SLAMF1: variants seen among roughly 807,000 people sequenced by gnomAD.
The protein encoded by SLAMF1 is signaling lymphocytic activation molecule.
SLAMF1 carries 18 observed loss-of-function variants against 35.1 expected under a neutral mutation model. The ratio of observed to expected loss-of-function variants is 0.51; its 90% CI spans 0.35 to 0.76. The LOEUF is 0.76. Among genes scored for constraint, SLAMF1 ranks in the 30% least tolerant of loss-of-function variants. The pLI is 0.01. For missense variants in SLAMF1, 392 were observed against 413.0 expected, an observed-to-expected ratio of 0.95 and a Z score of 0.44; for synonymous variants, 168 against 157.2, an observed-to-expected ratio of 1.07 and a Z score of -0.51.
At chr1:160,632,381 G>A (rs1193196490) in intron 3 of SLAMF1, among the ~76,000 whole-genome samples, 1 of 152,100 alleles carries the variant, frequency 6.6e-6, no homozygotes, top group Non-Finnish European at 1.5e-5. Flanking sequence ...CCCTTCCTGT[G>A]GTGCCAGGTT....
At chr1:160,614,372 G>A (rs960282353) in intron 5 of SLAMF1, among the ~76,000 whole-genome samples, 6 of 149,006 alleles carry the variant, frequency 4.0e-5, no homozygotes, top group Non-Finnish European at 7.5e-5. Flanking sequence ...TCAGGAGATC[G>A]AGACCATCCT....
chr1:160,634,168 G>A (rs529987004), intron 3 of SLAMF1, among the ~76,000 whole-genome samples: 3 of 152,306 alleles, frequency 2.0e-5, no homozygotes, highest in Non-Finnish European at 4.4e-5. Flanking sequence ...TGTTAGAGAG[G>A]AGAGATCACA....
intron 6 of SLAMF1, among the ~76,000 whole-genome samples, chr1:160,611,864 G>T (rs1659006788): frequency 6.6e-6 from 1 of 152,112 alleles, no homozygotes; most frequent in Non-Finnish European, 1.5e-5. Context: ...TTTGTAGCTG[G>T]AGTTGAGAAC....
At chr1:160,645,997 CAGA>C (rs774620406) in intron 1 of SLAMF1, among the ~76,000 whole-genome samples, 2 of 152,170 alleles carry the variant, frequency 1.3e-5, no homozygotes, top group Non-Finnish European at 2.9e-5. Context: ...AACAAATAAG[CAGA>C]AGGAGATTCT....
chr1:160,610,570 T>TCA lies in SLAMF1; in HGVS notation c.*176_*177dup. 1 of 615,768 alleles carries TCA rather than the reference T, an allele frequency of 1.6e-6. No homozygotes were observed. The highest frequency in any genetic ancestry group is 1.9e-5 in the South Asian group (1 of 52,378). The allele number at this position is 615,768 out of a possible 1,614,324, so 38.1% of individuals were successfully genotyped here. A position where few individuals can be genotyped will look rare whatever the true frequency, so the allele number is the denominator to read the frequency against. On this transcript the variant is annotated 3_prime_UTR_variant, in exon 7 of 7. Coordinates refer to ENST00000302035, the MANE Select transcript of SLAMF1 (RefSeq NM_003037.5). ...CAGCAAGCTAAATTCTTGGGAAGCCTCACTTCCTTGTTCATTTCACAGATG... is the reference window on the plus strand; with the variant it reads ...CAGCAAGCTAAATTCTTGGGAAGCCTCACACTTCCTTGTTCATTTCACAGATG...
chr1:160,634,278 C>A lies in SLAMF1; in HGVS notation c.700+335G>T, dbSNP rs140173142. ...CATTAGTGGAGCATAGACTTGGGAG[C>A]CAGGCCCTCCCACCTGCAATCCCTC... On this transcript the variant is annotated intron_variant, in intron 3 of 6. Transcript: ENST00000302035. 3.8e-3 allele frequency: 1,149 copies of A among 305,430 alleles called. 5 individuals are homozygous for A. The highest frequency in any genetic ancestry group is 4.9e-3 in the Non-Finnish European group (1,028 of 207,836). The allele number at this position is 305,430 out of a possible 1,614,324, so 18.9% of individuals were successfully genotyped here.
intron 3 of SLAMF1, chr1:160,634,266 T>C (rs546873411): frequency 5.5e-5 from 12 of 219,674 alleles, no homozygotes; most frequent in African/African-American, 2.8e-4. Context: ...TAGTGGAGCA[T>C]AGACTTGGGA....
intron 1 of SLAMF1, among the ~76,000 whole-genome samples, chr1:160,644,033 G>A (rs891787476): frequency 1.3e-5 from 2 of 152,058 alleles, no homozygotes; most frequent in African/African-American, 4.8e-5. Flanking sequence ...AAAATTAAAT[G>A]AACATTTGCA....
At chr1:160,640,216 T>A (rs1660665132) in intron 1 of SLAMF1, among the ~76,000 whole-genome samples, 1 of 151,356 alleles carries the variant, frequency 6.6e-6, no homozygotes, top group African/African-American at 2.4e-5. Context: ...TACAAACAGG[T>A]GCTATGTGCT....
At position 160,636,927 on chromosome 1, in the gene SLAMF1, C is replaced by T. The variant is rs549235555; in HGVS notation, c.415+264G>A. The T allele has an allele frequency of 8.6e-4, 398 of 461,390 alleles. 1 individual carries two copies. Among genetic ancestry groups the T allele is most frequent in the African/African-American group, 7.2e-3 (364 of 50,566 alleles). The allele number at this position is 461,390 out of a possible 1,614,324, so 28.6% of individuals were successfully genotyped here. A position where few individuals can be genotyped will look rare whatever the true frequency, so the allele number is the denominator to read the frequency against. ...CCTTGGGTCTATCGGCCCTCCAGCC[C>T]ACAAGGAGCTGTGCCCCTTTCCTTT... is the stretch of plus-strand genomic sequence containing the variant. On this transcript the variant is annotated intron_variant, in intron 2 of 6. Transcript: ENST00000302035.
chr1:160,618,575 C>T (rs1320910706), intron 5 of SLAMF1, among the ~76,000 whole-genome samples: 1 of 152,190 alleles, frequency 6.6e-6, no homozygotes, highest in Non-Finnish European at 1.5e-5. Context: ...AGAGAACAGA[C>T]TCCAGTCCTC....
rs912565075 is a variant in SLAMF1, at chr1:160,642,172, T to C, written c.77-4643A>G. On this transcript the variant is annotated intron_variant, in intron 1 of 6. Coordinates refer to ENST00000302035, the MANE Select transcript of SLAMF1 (RefSeq NM_003037.5). This position sits in a 1 kb window ranked among gnomAD's most constrained non-coding sequence, Gnocchi z 4.2. Reference sequence around the variant, plus strand: ...AATTTAGGCTCAGAAAGAAAAGACATCTTGTCTGTGTTTGCTTTTTAAACT... The same window carrying C: ...AATTTAGGCTCAGAAAGAAAAGACACCTTGTCTGTGTTTGCTTTTTAAACT... Among the ~76,000 whole-genome samples the C allele has an allele frequency of 2.2e-4, 33 of 152,184 alleles. No individual in the cohort carries two copies. The highest frequency in any genetic ancestry group is 8.0e-4 in the African/African-American group (33 of 41,446).
intron 3 of SLAMF1, among the ~76,000 whole-genome samples, chr1:160,633,032 C>T (rs1435835274): frequency 6.6e-6 from 1 of 152,112 alleles, no homozygotes; most frequent in African/African-American, 2.4e-5. Flanking sequence ...TGATGACCCG[C>T]CAGTTGCTGT....
In SLAMF1 at chr1:160,644,865, C is replaced by T. The variant is rs182928025; in HGVS notation, c.76+2005G>A. Among the ~76,000 whole-genome samples the T allele has an allele frequency of 4.6e-5, 7 of 152,162 alleles. No individual in the cohort carries two copies. In the East Asian group the frequency reaches 1.3e-3, roughly 29 times the overall value. ...CCCACGCACTTGTCCCTCACCTTCC[C>T]CCAAAGTGTGTGAAGGGGGTGCAGA... is the stretch of plus-strand genomic sequence containing the variant. On this transcript the variant is annotated intron_variant, in intron 1 of 6. Coordinates refer to ENST00000302035, the MANE Select transcript of SLAMF1 (RefSeq NM_003037.5).
At chr1:160,645,421 G>A (rs3766365) in intron 1 of SLAMF1, among the ~76,000 whole-genome samples, 16,946 of 152,274 alleles carry the variant, frequency 0.11, 1,208 homozygotes, top group East Asian at 0.39. Context: ...GACTTGCCTT[G>A]TGGGGCTGGG....
At chr1:160,645,100 G>A (rs1660968251) in intron 1 of SLAMF1, among the ~76,000 whole-genome samples, 1 of 152,158 alleles carries the variant, frequency 6.6e-6, no homozygotes, top group Non-Finnish European at 1.5e-5. Flanking sequence ...AATCTCATCG[G>A]GGGAAATGAA....
At chr1:160,620,733 T>A (rs1659564988) in intron 4 of SLAMF1, among the ~76,000 whole-genome samples, 1 of 152,198 alleles carries the variant, frequency 6.6e-6, no homozygotes, top group South Asian at 2.1e-4. Flanking sequence ...TTGATGTATA[T>A]CCCTGTAGAT....
intron 5 of SLAMF1, among the ~76,000 whole-genome samples, chr1:160,617,751 C>A (rs1234797505): frequency 6.6e-6 from 1 of 152,124 alleles, no homozygotes; most frequent in Non-Finnish European, 1.5e-5. Flanking sequence ...AGTCTTTGAT[C>A]TGAGTGGTAG....
chr1:160,645,723 A>G (rs1178794072), intron 1 of SLAMF1, among the ~76,000 whole-genome samples: 1 of 152,142 alleles, frequency 6.6e-6, no homozygotes, highest in Non-Finnish European at 1.5e-5. Context: ...TTCCTCCCCT[A>G]GACCTTGGGA....
Sources: gnomAD v4.1 joint callset for allele counts (sites outside exome capture counted in the v4.1 genomes callset) on GRCh38, gnomAD v4.1.1 for gene constraint, Gnocchi (gnomAD v3.1) non-coding constraint, MANE v1.5 for transcripts, NCBI Gene and HGNC (gene_info 2026-07-23, HGNC 2026-07-21) for gene names.